The following ADHFE1 variants were observed in gnomAD, a reference collection of about 807,000 sequenced individuals.
ADHFE1 encodes hydroxyacid-oxoacid transhydrogenase, mitochondrial.
ADHFE1 carries 37 observed loss-of-function variants against 54.8 expected under a neutral mutation model. The ratio of observed to expected loss-of-function variants is 0.68; its 90% CI spans 0.52 to 0.89. The LOEUF (loss-of-function observed/expected upper bound fraction) is 0.89. Among genes scored for constraint, ADHFE1 ranks in the 40% least tolerant of loss-of-function variants. The pLI is 0.00. For synonymous variants in ADHFE1, 203 were observed against 229.3 expected (o/e 0.89, Z 1.04); for missense variants, 601 against 591.2 (o/e 1.02, Z -0.17).
Position 66,439,760 on chromosome 8 carries a change from A to G in ADHFE1, c.60-402A>G, listed in dbSNP as rs936430666. 1 of 1,022,840 alleles carries G rather than the reference A, an allele frequency of 9.8e-7. No individual in the cohort carries two copies. The highest frequency in any genetic ancestry group is 1.7e-5 in the African/African-American group (1 of 58,436). 63.4% of individuals were successfully genotyped at this position (1,022,840 alleles called of 1,614,324 possible). A position where few individuals can be genotyped will look rare whatever the true frequency, so the allele number is the denominator to read the frequency against. ...GGCAAGTTCCCAGCATAGGGTAGTA[A>G]GTAAGAAGAGGCACACAGAGTTAAC... On this transcript the variant is annotated intron_variant, in intron 1 of 13. Coordinates refer to ENST00000396623, the MANE Select transcript of ADHFE1 (RefSeq NM_144650.3). This position sits in a 1 kb window ranked among gnomAD's most constrained non-coding sequence, Gnocchi z 4.4.
chr8:66,451,518 A>G (rs1364420514), intron 8 of ADHFE1, among the ~76,000 whole-genome samples: 1 of 152,188 alleles, frequency 6.6e-6, no homozygotes, highest in Non-Finnish European at 1.5e-5. Flanking sequence ...ATTACACTGT[A>G]ATTTTCATAG....
chr8:66,447,405 A>G, intron 7 of ADHFE1, 64 bp downstream of exon 7: 2 of 1,314,880 alleles, frequency 1.5e-6, no homozygotes, highest in Non-Finnish European at 2.2e-6. Flanking sequence ...TTTAAATCCT[A>G]ATATTTAAAA....
chr8:66,468,378 C>A lies in ADHFE1; in HGVS notation c.*26C>A. The A allele has an allele frequency of 6.3e-7, 1 of 1,590,650 alleles. No homozygotes were observed. The highest frequency in any genetic ancestry group is 1.1e-5 in the South Asian group (1 of 89,102). On this transcript the variant is annotated 3_prime_UTR_variant, in exon 14 of 14. Transcript: ENST00000396623. ...TTGTCATTTTAACTGAAAGAATTAC[C>A]GCTGGCCATTGTAGTGCTGAGAGCA...
At chr8:66,467,606 C>T (rs1028138198) in intron 13 of ADHFE1, among the ~76,000 whole-genome samples, 7 of 152,106 alleles carry the variant, frequency 4.6e-5, no homozygotes, top group African/African-American at 1.7e-4. Context: ...AATGGACATT[C>T]CTCAGTTTCA....
chr8:66,438,210 A>G (rs1157132230), intron 1 of ADHFE1, among the ~76,000 whole-genome samples: 1 of 152,066 alleles, frequency 6.6e-6, no homozygotes, highest in Non-Finnish European at 1.5e-5. Context: ...GCCAGTTGGG[A>G]ATTTGGTAGT....
chr8:66,456,853 G>C lies in ADHFE1; in HGVS notation c.1023G>C (p.Lys341Asn), dbSNP rs141310107. Residue 341 changes from lysine (K) to asparagine (N), a missense_variant, in exon 11 of 14, where the codon AAG (lysine) becomes AAC (asparagine). Lys to Asn is a moderately conservative substitution (Grantham distance 94). Coordinates refer to ENST00000396623, the MANE Select transcript of ADHFE1 (RefSeq NM_144650.3). Reference protein sequence around the residue: ...GMSYPISGLVKMYKAKDYNVD... With the variant: ...GMSYPISGLVNMYKAKDYNVD... ...CTTACCCAATTTCAGGTTTAGTGAA[G>C]ATGTATAAAGCAAAGGATTACAATG... is the stretch of plus-strand genomic sequence containing the variant. 7.5e-5 allele frequency: 120 copies of C among 1,607,324 alleles called. No homozygotes were observed. In the African/African-American group the frequency reaches 1.4e-3, roughly 19 times the overall value.
chr8:66,432,657 C>CAG (rs1156471229), intron 1 of ADHFE1, 82 bp downstream of exon 1: 10 of 1,240,744 alleles, frequency 8.1e-6, no homozygotes, highest in Middle Eastern at 2.2e-4. Flanking sequence ...AGATCCTGCG[C>CAG]AGTCTTCTCC....
At chr8:66,466,555 CAAA>C (rs1324397421) in intron 13 of ADHFE1, among the ~76,000 whole-genome samples, 2 of 151,562 alleles carry the variant, frequency 1.3e-5, no homozygotes, top group Non-Finnish European at 2.9e-5. Flanking sequence ...CCAGACAAAA[CAAA>C]TACCTACTGT....
At chr8:66,436,830 A>G (rs374366835) in intron 1 of ADHFE1, among the ~76,000 whole-genome samples, 1 of 152,192 alleles carries the variant, frequency 6.6e-6, no homozygotes, top group South Asian at 2.1e-4. Context: ...AAGCAATGAA[A>G]AGAAATGAAG....
rs149609464 is a variant in ADHFE1, at chr8:66,444,441, C to T, written c.198+21C>T. On this transcript the variant is annotated intron_variant, in intron 4 of 13. Coordinates refer to ENST00000396623, the MANE Select transcript of ADHFE1 (RefSeq NM_144650.3). ...GAATGGCAAGTATTCGAGATGTCTA[C>T]GGTCTCCTACTGTAAATGTTACATA... 2,860 of 1,612,514 alleles carry T rather than the reference C, an allele frequency of 1.8e-3. 2 individuals are homozygous for T. The highest frequency in any genetic ancestry group is 2.2e-3 in the Non-Finnish European group (2,627 of 1,178,612).
At chr8:66,449,000 T>C in intron 8 of ADHFE1, 30 bp downstream of exon 8, 1 of 1,573,140 alleles carries the variant, frequency 6.4e-7, no homozygotes, top group Admixed American at 1.7e-5. Flanking sequence ...GGAGGGGCTT[T>C]TTTAGTACTG....
chr8:66,453,656 G>A, intron 9 of ADHFE1: 4 of 1,352,968 alleles, frequency 3.0e-6, no homozygotes, highest in South Asian at 2.3e-5. Context: ...GAGAGAAAGA[G>A]CGCTGGCCGG....
At chr8:66,446,966 A>G (rs906765247) in intron 6 of ADHFE1, among the ~76,000 whole-genome samples, 1 of 152,254 alleles carries the variant, frequency 6.6e-6, no homozygotes, top group African/African-American at 2.4e-5. Flanking sequence ...GCATGCCAAT[A>G]TAGATACAGA....
At chr8:66,445,094 C>G in intron 5 of ADHFE1, 124 bp from the exon 6 acceptor site, 1 of 928,824 alleles carries the variant, frequency 1.1e-6, no homozygotes, top group South Asian at 1.8e-5. Flanking sequence ...GAATGAGACT[C>G]CGTCTCAAAA....
Position 66,439,470 on chromosome 8 carries a change from G to T in ADHFE1, c.60-692G>T. The T allele has an allele frequency of 2.0e-6, 2 of 986,154 alleles. No homozygotes were observed. The highest frequency in any genetic ancestry group is 2.4e-6 in the Non-Finnish European group (2 of 830,376). The allele number at this position is 986,154 out of a possible 1,614,324, so 61.1% of individuals were successfully genotyped here. ...CCAGGGGAGGGAGGGTTTCCAAAAA[G>T]GAGGACGTGGGAAATCTGTAGAGAA... is the stretch of plus-strand genomic sequence containing the variant. On this transcript the variant is annotated intron_variant, in intron 1 of 13. Coordinates refer to ENST00000396623, the MANE Select transcript of ADHFE1 (RefSeq NM_144650.3). The surrounding 1 kb of genome is among the most constrained non-coding windows in gnomAD (Gnocchi z 4.4).
At chr8:66,464,286 C>T (rs1013992806) in intron 13 of ADHFE1, among the ~76,000 whole-genome samples, 1 of 152,130 alleles carries the variant, frequency 6.6e-6, no homozygotes, top group African/African-American at 2.4e-5. Flanking sequence ...ACTTTATGTC[C>T]TTGTCCTGTT....
rs540464621 is a variant in ADHFE1, at chr8:66,443,264, A to ATTT, written c.144+450_144+452dup. ...GTCCCTGTCTCCTCCTAGTCCAGGA[A>ATTT]TTTTTTTTTTTTTTTTTTTTTTTTT... On this transcript the variant is annotated intron_variant, in intron 3 of 13. Coordinates refer to ENST00000396623, the MANE Select transcript of ADHFE1 (RefSeq NM_144650.3). 8.7e-4 allele frequency among the ~76,000 whole-genome samples: 75 copies of ATTT among 86,086 alleles called. 6 individuals carry two copies. The highest frequency in any genetic ancestry group is 1.9e-3 in the African/African-American group (45 of 24,146). 56.5% of individuals were successfully genotyped at this position (86,086 alleles called of 152,430 possible).
At position 66,453,548 on chromosome 8, in the gene ADHFE1, G is replaced by A. The variant is rs527277589; in HGVS notation, c.888-511G>A. Among the ~76,000 whole-genome samples, 35 of 152,276 alleles carry A rather than the reference G, an allele frequency of 2.3e-4. 1 individual carries two copies. In the South Asian group the frequency reaches 7.0e-3, roughly 31 times the overall value. ...ACCCAGAGCAAGCTAAGGCTCATTC[G>A]ACAATAACATCCACTTCCTCAATAA... On this transcript the variant is annotated intron_variant, in intron 9 of 13. Transcript: ENST00000396623.
At chr8:66,465,489 T>C (rs1563496666) in intron 13 of ADHFE1, among the ~76,000 whole-genome samples, 1 of 152,236 alleles carries the variant, frequency 6.6e-6, no homozygotes, top group Non-Finnish European at 1.5e-5. Context: ...CATCTTTTCA[T>C]GTGCTTATTG....
Sources: gnomAD v4.1 joint callset for allele counts (sites outside exome capture counted in the v4.1 genomes callset) on GRCh38, gnomAD v4.1.1 for gene constraint, Gnocchi (gnomAD v3.1) non-coding constraint, MANE v1.5 for transcripts, NCBI Gene and HGNC (gene_info 2026-07-23, HGNC 2026-07-21) for gene names.